MYO1F: variants seen among roughly 807,000 people sequenced by gnomAD.
MYO1F encodes the protein myosin IF.
MYO1F carries 60 observed loss-of-function variants against 146.6 expected under a neutral mutation model. The ratio of observed to expected loss-of-function variants is 0.41; its 90% confidence interval spans 0.33 to 0.51. The LOEUF (loss-of-function observed/expected upper bound fraction) is 0.51, where lower values mean the gene tolerates loss of function less well. Ranked by LOEUF, MYO1F falls within the 20% of genes least tolerant of loss-of-function variation. The probability of loss-of-function intolerance (pLI) is 0.25; values close to 1 mark genes in which losing one functional copy is unlikely to be tolerated. For missense variants in MYO1F, 1,274 were observed against 1,534.3 expected (o/e 0.83, Z 2.83); for synonymous variants, 602 against 602.1 (o/e 1.00, Z 0.00).
At position 8,526,688 on chromosome 19, in the gene MYO1F, C is replaced by G. The variant is rs2303687; in HGVS notation, c.2622-87G>C. 279,538 of 1,532,668 alleles carry G rather than the reference C, an allele frequency of 0.18. 36,341 individuals carry two copies. Among genetic ancestry groups the G allele is most frequent in the African/African-American group, 0.66 (48,093 of 72,864 alleles). The allele number at this position is 1,532,668 out of a possible 1,614,324, so 94.9% of individuals were successfully genotyped here. ...GCTGGTTGGGGCAGGGGCGGGGCCG[C>G]GGCCGGGGCCGAAGCGCAGTTCGGC... On this transcript the variant is annotated intron_variant, in intron 23 of 27. Transcript: ENST00000644032.
chr19:8,522,595 C>T (rs1972106259), intron 26 of MYO1F, 39 bp downstream of exon 26: 1 of 1,607,620 alleles, frequency 6.2e-7, no homozygotes, highest in African/African-American at 1.3e-5. Context: ...TCCCCTACCC[C>T]CTGCCCACCT....
rs1341680765 is a variant in MYO1F at position 8,574,689 on chromosome 19, TTCTCTTTC to T, written c.3+2610_3+2617del. On this transcript the variant is annotated intron_variant, in intron 1 of 27. Transcript: ENST00000644032. ...TTTCTCTCTTTCTTTCTTTCTTCCTTTCTCTTTCTCTCTTTCTTTCTTTTTCTTTCTCT... is the reference window on the plus strand; with the variant it reads ...TTTCTCTCTTTCTTTCTTTCTTCCTTTCTCTTTCTTTCTTTTTCTTTCTCT... 2.4e-4 allele frequency among the ~76,000 whole-genome samples: 28 copies of T among 114,668 alleles called. No individual in the cohort carries two copies. The East Asian group carries it at 0.01, about 42-fold the overall frequency. 75.2% of individuals were successfully genotyped at this position (114,668 alleles called of 152,430 possible). A position where few individuals can be genotyped will look rare whatever the true frequency, so the allele number is the denominator to read the frequency against.
At chr19:8,544,263 G>C in intron 14 of MYO1F, 34 bp downstream of exon 14, 1 of 1,611,352 alleles carries the variant, frequency 6.2e-7, no homozygotes, top group Non-Finnish European at 8.5e-7. Flanking sequence ...GGTCTGCGAG[G>C]AGGCACAGGG....
chr19:8,527,613 T>A, intron 21 of MYO1F, 130 bp from the exon 22 acceptor site: 1 of 1,136,690 alleles, frequency 8.8e-7, no homozygotes, highest in Non-Finnish European at 1.3e-6. Flanking sequence ...GGTGAAGGTG[T>A]ATGAGTCGTC....
chr19:8,575,460 A>G (rs2042223211), intron 1 of MYO1F, among the ~76,000 whole-genome samples: 1 of 148,788 alleles, frequency 6.7e-6, no homozygotes, highest in African/African-American at 2.5e-5. Context: ...GTGATAATCT[A>G]ATGGCGCCCC....
chr19:8,521,087 G>A lies in MYO1F; in HGVS notation c.*441C>T. 2 of 299,056 alleles carry A rather than the reference G, an allele frequency of 6.7e-6. No individual in the cohort carries two copies. The highest frequency in any genetic ancestry group is 1.3e-5 in the Non-Finnish European group (2 of 150,832). The allele number at this position is 299,056 out of a possible 1,614,324, so 18.5% of individuals were successfully genotyped here. The stretch of plus-strand genomic sequence containing the variant: ...GGGCTGTGAAAACATCGTCCTTGTT[G>A]GGCACTTAGTAAGTTAACTCGTGCT... On this transcript the variant is annotated 3_prime_UTR_variant, in exon 28 of 28. Coordinates refer to ENST00000644032, the MANE Select transcript of MYO1F (RefSeq NM_012335.4).
In MYO1F at chr19:8,536,252, C is replaced by T. The variant is rs1459688978; in HGVS notation, c.2043G>A (p.Ser681=). The T allele has an allele frequency of 5.6e-6, 9 of 1,604,308 alleles. No homozygotes were observed. The highest frequency in any genetic ancestry group is 2.2e-5 in the East Asian group (1 of 44,862). ...CTGCCTGTCCCTCAAACACACTCACCGACTCTGGGTTCTTGACAAAGACCT... is the reference window on the plus strand; with the variant it reads ...CTGCCTGTCCCTCAAACACACTCACTGACTCTGGGTTCTTGACAAAGACCT... ...STKVFVKNPE[S]LFLLEEVRER... The change falls in exon 19 of 28, where the codon TCG becomes TCA. Residue 681 remains serine (S), a splice_region_variant and synonymous_variant. Transcript: ENST00000644032.
chr19:8,523,291 C>T (rs1972138584), intron 25 of MYO1F, among the ~76,000 whole-genome samples: 1 of 152,054 alleles, frequency 6.6e-6, no homozygotes, highest in South Asian at 2.1e-4. Context: ...CCTTGGCCTC[C>T]CAAAGTGCTG....
chr19:8,544,042 T>G, intron 14 of MYO1F: 1 of 324,166 alleles, frequency 3.1e-6, no homozygotes, highest in Non-Finnish European at 5.4e-6. Context: ...GTGGCGGTGC[T>G]GGTGGTGGTG....
At chr19:8,542,767 AT>A (rs879313011) in intron 14 of MYO1F, among the ~76,000 whole-genome samples, 39 of 142,312 alleles carry the variant, frequency 2.7e-4, no homozygotes, top group Non-Finnish European at 2.8e-4. Flanking sequence ...CACCTGGCTG[AT>A]TTTTTTTTTT....
intron 2 of MYO1F, 61 bp from the exon 3 acceptor site, chr19:8,554,804 T>C: frequency 6.8e-7 from 1 of 1,468,766 alleles, no homozygotes. Context: ...TGTCCCCTCA[T>C]CCTGCCCCCA....
intron 1 of MYO1F, among the ~76,000 whole-genome samples, chr19:8,570,507 C>T (rs2042088343): frequency 2.6e-5 from 4 of 151,720 alleles, no homozygotes; most frequent in Admixed American, 2.6e-4. Context: ...GCTGGGATTA[C>T]AGGTGCACGC....
intron 19 of MYO1F, among the ~76,000 whole-genome samples, chr19:8,532,818 G>A (rs1972535844): frequency 6.6e-6 from 1 of 151,458 alleles, no homozygotes; most frequent in Non-Finnish European, 1.5e-5. Context: ...AGCCCAGGAG[G>A]TTGAGGCTGC....
intron 19 of MYO1F, among the ~76,000 whole-genome samples, chr19:8,533,005 A>C (rs1972555044): frequency 6.6e-6 from 1 of 151,798 alleles, no homozygotes; most frequent in African/African-American, 2.4e-5. Context: ...TCCCAAGTCC[A>C]TAGGTAGCAC....
At position 8,577,247 on chromosome 19, in the gene MYO1F, C is replaced by T. The variant is rs1167188505; in HGVS notation, c.3+60G>A. The T allele has an allele frequency of 1.2e-6, 2 of 1,600,620 alleles. No individual in the cohort carries two copies. Among genetic ancestry groups the T allele is most frequent in the African/African-American group, 2.7e-5 (2 of 74,698 alleles). ...TTTCTGATGGTCATTTTTAGGACAC[C>T]TCCACCTGGCTGGTGTCCCTCCTCT... On this transcript the variant is annotated intron_variant, in intron 1 of 27. Transcript: ENST00000644032. The surrounding 1 kb of genome is among the most constrained non-coding windows in gnomAD (Gnocchi z 4.3).
intron 1 of MYO1F, among the ~76,000 whole-genome samples, chr19:8,574,544 TTTC>T (rs1555732812): frequency 1.5e-5 from 1 of 68,218 alleles, no homozygotes; most frequent in Non-Finnish European, 3.0e-5. Context: ...TCTTTCTTTC[TTTC>T]TTTCTTTCTT....
intron 12 of MYO1F, among the ~76,000 whole-genome samples, chr19:8,546,560 A>G (rs951264464): frequency 4.6e-5 from 7 of 151,826 alleles, no homozygotes; most frequent in Non-Finnish European, 1.0e-4. Context: ...AGGTCTCACT[A>G]TGTTGTCCAG....
chr19:8,525,510 G>C lies in MYO1F; in HGVS notation c.2823C>G (p.Ala941=). ...GGGGCGCAGGGGCCGCCCGGGTAGG[G>C]GCTTGGGACGACCTCCGAGGTTTTC... ...AKGKPRRSSQ[A]PTRAAPAPPR... Residue 941 remains alanine, a synonymous_variant, in exon 25 of 28, where the codon GCC becomes GCG. Coordinates refer to ENST00000644032, the MANE Select transcript of MYO1F (RefSeq NM_012335.4). 1 of 1,613,542 alleles carries C rather than the reference G, an allele frequency of 6.2e-7. No individual in the cohort carries two copies. The highest frequency in any genetic ancestry group is 8.5e-7 in the Non-Finnish European group (1 of 1,179,980).
chr19:8,564,271 C>G (rs901991025), intron 1 of MYO1F, among the ~76,000 whole-genome samples: 1 of 152,092 alleles, frequency 6.6e-6, no homozygotes, highest in African/African-American at 2.4e-5. Flanking sequence ...ATCCCAGCTA[C>G]TTGGGAGGCT....
Sources: gnomAD v4.1 joint callset for allele counts (sites outside exome capture counted in the v4.1 genomes callset) on GRCh38, gnomAD v4.1.1 for gene constraint, Gnocchi (gnomAD v3.1) non-coding constraint, MANE v1.5 for transcripts, NCBI Gene and HGNC (gene_info 2026-07-23, HGNC 2026-07-21) for gene names.